The following SHC3 variants were observed in gnomAD, a reference collection of about 807,000 sequenced individuals.
SHC3 encodes the protein SHC-transforming protein 3.
In SHC3, 15 loss-of-function variants were observed where a neutral mutation model predicts 60.4. The ratio of observed to expected loss-of-function variants is 0.25; its 90% CI spans 0.17 to 0.38. The LOEUF (loss-of-function observed/expected upper bound fraction) is 0.38, where lower values mean the gene tolerates loss of function less well. SHC3 is among the 10% of genes least tolerant of loss of function. The pLI is 1.00. For missense variants in SHC3, 677 were observed against 786.1 expected (o/e 0.86, Z 1.66); for synonymous variants, 294 against 325.9 (o/e 0.90, Z 1.05).
rs1242634480 is a variant in SHC3, at chr9:89,038,245, C to T, written c.1404G>A (p.Val468=). ...DALKNQPLGP[V]LSKAASVECI... is the part of the protein sequence containing the mutation. Reference sequence around the variant, plus strand: ...ACTCCACGGAGGCTGCCTTGCTTAACACGGGCCCCAAGGGCTGGTTCTTGA... The same window carrying T: ...ACTCCACGGAGGCTGCCTTGCTTAATACGGGCCCCAAGGGCTGGTTCTTGA... Residue 468 remains valine, a synonymous_variant, in exon 11 of 12, where the codon GTG becomes GTA. Transcript: ENST00000375835. 6.2e-7 allele frequency: 1 copy of T among 1,613,700 alleles called. No individual in the cohort carries two copies. Among genetic ancestry groups the T allele is most frequent in the Non-Finnish European group, 8.5e-7 (1 of 1,179,962 alleles).
At chr9:89,024,120 C>A (rs1826249809) in intron 11 of SHC3, among the ~76,000 whole-genome samples, 1 of 152,104 alleles carries the variant, frequency 6.6e-6, no homozygotes, top group Admixed American at 6.6e-5. Flanking sequence ...TTCACTCAGC[C>A]CCCTCTCATG....
chr9:89,029,441 T>A (rs945097111), intron 11 of SHC3, among the ~76,000 whole-genome samples: 20 of 152,166 alleles, frequency 1.3e-4, no homozygotes, highest in African/African-American at 4.6e-4. Flanking sequence ...CAACTAACCA[T>A]ACTTTTAATC....
intron 2 of SHC3, chr9:89,109,025 G>C (rs972368386): frequency 2.0e-6 from 2 of 982,882 alleles, no homozygotes; most frequent in African/African-American, 3.5e-5. Flanking sequence ...ATTCTCTGAG[G>C]TTCCAAGGAG....
chr9:89,046,819 A>G (rs1421334918), intron 8 of SHC3, 25 bp downstream of exon 8: 1 of 1,490,936 alleles, frequency 6.7e-7, no homozygotes, highest in Non-Finnish European at 8.9e-7. Context: ...CATTCCTTAT[A>G]TAAGAAAAAA....
rs563932648 is a variant in SHC3 at position 89,106,590 on chromosome 9, G to A, written c.545+5966C>T. ...ACATCCTAGCTTCCCCAGTTCCTACGCACTTCCCCAAAGGGCCCAGCGCCC... is the reference window on the plus strand; with the variant it reads ...ACATCCTAGCTTCCCCAGTTCCTACACACTTCCCCAAAGGGCCCAGCGCCC... On this transcript the variant is annotated intron_variant, in intron 2 of 11. Coordinates refer to ENST00000375835, the MANE Select transcript of SHC3 (RefSeq NM_016848.6). 2.8e-4 allele frequency among the ~76,000 whole-genome samples: 42 copies of A among 152,208 alleles called. 1 individual carries two copies. The East Asian group carries it at 5.0e-3, about 18-fold the overall frequency.
intron 2 of SHC3, among the ~76,000 whole-genome samples, chr9:89,107,622 C>T (rs752277125): frequency 6.6e-6 from 1 of 152,184 alleles, no homozygotes; most frequent in East Asian, 1.9e-4. Flanking sequence ...CTGAGAGAGG[C>T]TTGGCCATGA....
intron 6 of SHC3, among the ~76,000 whole-genome samples, chr9:89,054,018 G>A (rs1278739442): frequency 2.6e-5 from 4 of 152,208 alleles, no homozygotes; most frequent in South Asian, 2.1e-4. Flanking sequence ...CTGGAAAAGG[G>A]TCAGAAAGGG....
At position 89,052,113 on chromosome 9, in the gene SHC3, A is replaced by T. The variant is rs745771793; in HGVS notation, c.886T>A (p.Ser296Thr). 2 of 1,614,114 alleles carry T rather than the reference A, an allele frequency of 1.2e-6. No homozygotes were observed. Among genetic ancestry groups the T allele is most frequent in the Non-Finnish European group, 1.7e-6 (2 of 1,179,990 alleles). ...CGGAGCTCAAAGGCTTGTCCGATGGAGCCGATGACATCCTGGGCCAGCCCA... is the reference window on the plus strand; with the variant it reads ...CGGAGCTCAAAGGCTTGTCCGATGGTGCCGATGACATCCTGGGCCAGCCCA... ...CDGLAQDVIG[S>T]IGQAFELRFK... The change falls in exon 7 of 12, where the codon TCC becomes ACC. Residue 296 changes from serine (S) to threonine (T), a missense_variant. Physicochemically the swap from Ser to Thr is moderately conservative, Grantham distance 58. Coordinates refer to ENST00000375835, the MANE Select transcript of SHC3 (RefSeq NM_016848.6).
intron 1 of SHC3, among the ~76,000 whole-genome samples, chr9:89,142,694 C>CG (rs1333377906): frequency 4.1e-5 from 6 of 144,918 alleles, no homozygotes; most frequent in African/African-American, 1.5e-4. Context: ...AAAAAAAAGG[C>CG]GGGGGGTGTC....
intron 10 of SHC3, among the ~76,000 whole-genome samples, chr9:89,041,039 A>T (rs1211172738): frequency 6.6e-6 from 1 of 152,246 alleles, no homozygotes; most frequent in African/African-American, 2.4e-5. Flanking sequence ...AACAGTAGTT[A>T]TCGTAATACC....
intron 11 of SHC3, among the ~76,000 whole-genome samples, chr9:89,032,117 G>A (rs575333699): frequency 2.0e-5 from 3 of 152,152 alleles, no homozygotes; most frequent in East Asian, 1.9e-4. Flanking sequence ...CTTGGCATGC[G>A]GGGGACTGAG....
intron 1 of SHC3, among the ~76,000 whole-genome samples, chr9:89,144,932 C>T (rs973852663): frequency 6.6e-5 from 10 of 152,020 alleles, no homozygotes; most frequent in African/African-American, 1.4e-4. Context: ...CTTTAACAAA[C>T]GGCAGCATCC....
At chr9:89,151,546 T>C (rs1338540039) in intron 1 of SHC3, among the ~76,000 whole-genome samples, 1 of 152,180 alleles carries the variant, frequency 6.6e-6, no homozygotes, top group African/African-American at 2.4e-5. Context: ...TTCAGGCCTC[T>C]GTTGTTTGTA....
Position 89,129,853 on chromosome 9 carries a change from C to T in SHC3, c.475-17227G>A, listed in dbSNP as rs192602870. 1.5e-3 allele frequency among the ~76,000 whole-genome samples: 223 copies of T among 152,184 alleles called. 1 individual carries two copies. The highest frequency in any genetic ancestry group is 6.8e-3 in the Middle Eastern group (2 of 294). On this transcript the variant is annotated intron_variant, in intron 1 of 11. Coordinates refer to ENST00000375835, the MANE Select transcript of SHC3 (RefSeq NM_016848.6). Reference sequence around the variant, plus strand: ...GATAGGAAGAAACTGCATCAACTAACGAGAAAAATAACCAGCTAACATCGT... The same window carrying T: ...GATAGGAAGAAACTGCATCAACTAATGAGAAAAATAACCAGCTAACATCGT...
At chr9:89,014,728 T>C (rs1360424) in intron 11 of SHC3, among the ~76,000 whole-genome samples, 57,293 of 151,974 alleles carry the variant, frequency 0.38, 11,560 homozygotes, top group Admixed American at 0.46. Flanking sequence ...CTTCCACTAA[T>C]GTGGCCACTC....
chr9:89,085,803 T>C (rs367891119), intron 2 of SHC3, among the ~76,000 whole-genome samples: 11 of 152,298 alleles, frequency 7.2e-5, no homozygotes, highest in African/African-American at 2.6e-4. Flanking sequence ...CCTCAAGGCA[T>C]TAGAGTTCTA....
chr9:89,090,063 A>G (rs1825597957), intron 2 of SHC3, among the ~76,000 whole-genome samples: 1 of 152,264 alleles, frequency 6.6e-6, no homozygotes, highest in Admixed American at 6.5e-5. Flanking sequence ...AATCACGGTC[A>G]GCGAGGCCCT....
intron 2 of SHC3, among the ~76,000 whole-genome samples, chr9:89,102,818 GA>G (rs2118086351): frequency 6.6e-6 from 1 of 152,350 alleles, no homozygotes; most frequent in African/African-American, 2.4e-5. Flanking sequence ...GATGTTAAGT[GA>G]GGACTTACTG....
rs1457107750 is a variant in SHC3 at position 89,009,683 on chromosome 9, T to TAGA, written c.*3763_*3764insTCT. The TAGA allele has an allele frequency of 3.9e-5, 6 of 152,220 alleles. No individual in the cohort carries two copies. The highest frequency in any genetic ancestry group is 7.3e-5 in the Non-Finnish European group (5 of 68,096). The allele number at this position is 152,220 out of a possible 1,614,324, so 9.4% of individuals were successfully genotyped here. A position where few individuals can be genotyped will look rare whatever the true frequency, so the allele number is the denominator to read the frequency against. ...AGGGTGGAGGCTGGATGGAGGTATCTACTCGTGGCCCGCATTGCCTCTGCC... is the reference window on the plus strand; with the variant it reads ...AGGGTGGAGGCTGGATGGAGGTATCTAGAACTCGTGGCCCGCATTGCCTCTGCC... On this transcript the variant is annotated 3_prime_UTR_variant, in exon 12 of 12. Transcript: ENST00000375835.
Sources: allele counts gnomAD v4.1 joint callset (sites outside exome capture counted in the v4.1 genomes callset), GRCh38; gene constraint gnomAD v4.1.1; transcripts MANE v1.5; gene names NCBI Gene and HGNC (gene_info 2026-07-23, HGNC 2026-07-21).